Variants in GRIK1 observed in about 807,000 individuals in gnomAD.
The protein encoded by GRIK1 is glutamate ionotropic receptor kainate type subunit 1.
In GRIK1, 69 loss-of-function variants were observed where a neutral mutation model predicts 105.7. That is an observed-to-expected ratio of 0.65 (90% confidence interval 0.54 to 0.80). The LOEUF is 0.80. Ranked by LOEUF, GRIK1 falls within the 30% of genes least tolerant of loss-of-function variation. The probability of loss-of-function intolerance (pLI) is 0.00; values close to 1 mark genes in which losing one functional copy is unlikely to be tolerated. For missense variants in GRIK1, 1,109 were observed against 1,167.3 expected (o/e 0.95, Z 0.73); for synonymous variants, 438 against 431.3 (o/e 1.02, Z -0.19).
At chr21:29,785,581 A>G (rs1242923052) in intron 1 of GRIK1, among the ~76,000 whole-genome samples, 1 of 151,586 alleles carries the variant, frequency 6.6e-6, no homozygotes, top group African/African-American at 2.4e-5. Flanking sequence ...AAAAAAAAAA[A>G]AAAGCCCCCG....
chr21:29,636,792 C>G (rs2062406273), intron 7 of GRIK1, among the ~76,000 whole-genome samples: 1 of 152,146 alleles, frequency 6.6e-6, no homozygotes, highest in African/African-American at 2.4e-5. Flanking sequence ...CCAAGATAAA[C>G]TATCTGAAAC....
At chr21:29,697,275 T>A (rs923932985) in intron 1 of GRIK1, among the ~76,000 whole-genome samples, 1 of 152,234 alleles carries the variant, frequency 6.6e-6, no homozygotes, top group African/African-American at 2.4e-5. Flanking sequence ...AAGTTTTTTT[T>A]ATTATCGTAC....
At chr21:29,781,592 T>C (rs1349910907) in intron 1 of GRIK1, among the ~76,000 whole-genome samples, 2 of 151,704 alleles carry the variant, frequency 1.3e-5, no homozygotes, top group African/African-American at 4.8e-5. Context: ...TTTACAGATA[T>C]CTTTCTGATT....
chr21:29,894,514 G>A (rs889268039), intron 1 of GRIK1, among the ~76,000 whole-genome samples: 1 of 152,152 alleles, frequency 6.6e-6, no homozygotes, highest in Admixed American at 6.5e-5. Context: ...TGCACTGGCA[G>A]CTGATTAGAT....
At chr21:29,851,321 CTGGAATTACAGG>C (rs1215436936) in intron 1 of GRIK1, among the ~76,000 whole-genome samples, 2 of 152,260 alleles carry the variant, frequency 1.3e-5, no homozygotes, top group East Asian at 3.9e-4. Context: ...TCCCAAAGTG[CTGGAATTACAGG>C]CATGAGCCAC....
intron 4 of GRIK1, among the ~76,000 whole-genome samples, chr21:29,661,981 C>G (rs1322158746): frequency 6.6e-6 from 1 of 152,118 alleles, no homozygotes; most frequent in African/African-American, 2.4e-5. Context: ...TAAATCCAGC[C>G]CCTTTTTCTC....
At chr21:29,724,191 G>A (rs2064393931) in intron 1 of GRIK1, among the ~76,000 whole-genome samples, 1 of 152,158 alleles carries the variant, frequency 6.6e-6, no homozygotes, top group Admixed American at 6.5e-5. Context: ...TTCCTTTAGC[G>A]TGACATCAGT....
chr21:29,654,044 C>T (rs1000007076), intron 5 of GRIK1, among the ~76,000 whole-genome samples: 1 of 152,162 alleles, frequency 6.6e-6, no homozygotes, highest in Non-Finnish European at 1.5e-5. Flanking sequence ...CCCCAGAATC[C>T]AGGTCAAATT....
intron 7 of GRIK1, among the ~76,000 whole-genome samples, chr21:29,627,456 A>G (rs2062157644): frequency 6.6e-6 from 1 of 152,186 alleles, no homozygotes; most frequent in Non-Finnish European, 1.5e-5. Flanking sequence ...AGGAAAGGTG[A>G]CAGGATTACA....
chr21:29,741,539 C>G lies in GRIK1; in HGVS notation c.119-47476G>C, dbSNP rs140450311. On this transcript the variant is annotated intron_variant, in intron 1 of 17. Transcript: ENST00000327783. ...ATAAAGAAAACAGACTTTCCTATTT[C>G]TACCTTTGGAATTCTAGAACCATTT... is the stretch of plus-strand genomic sequence containing the variant. Among the ~76,000 whole-genome samples the G allele has an allele frequency of 2.2e-3, 331 of 152,198 alleles. 1 individual carries two copies. The highest frequency in any genetic ancestry group is 7.6e-3 in the African/African-American group (317 of 41,530).
chr21:29,924,144 C>A (rs561595352), intron 1 of GRIK1, among the ~76,000 whole-genome samples: 1 of 152,000 alleles, frequency 6.6e-6, no homozygotes, highest in African/African-American at 2.4e-5. Flanking sequence ...TCAAGACCAG[C>A]CTGGCCAACG....
At chr21:29,782,486 A>G (rs2145785751) in intron 1 of GRIK1, among the ~76,000 whole-genome samples, 1 of 152,294 alleles carries the variant, frequency 6.6e-6, no homozygotes, top group Admixed American at 6.5e-5. Context: ...TTGATTTTTC[A>G]GAAGGGCAAG....
intron 1 of GRIK1, among the ~76,000 whole-genome samples, chr21:29,812,015 C>A (rs571866959): frequency 3.4e-4 from 52 of 152,260 alleles, no homozygotes; most frequent in African/African-American, 1.3e-3. Context: ...GTTCATCAAC[C>A]CCAAGTCATT....
chr21:29,920,814 T>C (rs1351811216), intron 1 of GRIK1, among the ~76,000 whole-genome samples: 2 of 151,812 alleles, frequency 1.3e-5, no homozygotes, highest in African/African-American at 2.4e-5. Flanking sequence ...AGAGGCACCA[T>C]ACACACTGGG....
intron 1 of GRIK1, among the ~76,000 whole-genome samples, chr21:29,721,514 G>C (rs145902961): frequency 6.7e-6 from 1 of 148,826 alleles, no homozygotes; most frequent in Non-Finnish European, 1.5e-5. Flanking sequence ...TCGACAATGG[G>C]CAAAATGAAA....
At chr21:29,855,007 G>C (rs469478) in intron 1 of GRIK1, among the ~76,000 whole-genome samples, 48,902 of 152,140 alleles carry the variant, frequency 0.32, 8,547 homozygotes, top group East Asian at 0.46. Flanking sequence ...TAAATCATTA[G>C]CTGGAGAACT....
intron 4 of GRIK1, among the ~76,000 whole-genome samples, chr21:29,669,934 G>C (rs1012545864): frequency 6.6e-6 from 1 of 152,078 alleles, no homozygotes; most frequent in Non-Finnish European, 1.5e-5. Context: ...AGTTAAGCTG[G>C]ATCACATAGA....
At chr21:29,774,752 G>C (rs1387108492) in intron 1 of GRIK1, among the ~76,000 whole-genome samples, 1 of 152,132 alleles carries the variant, frequency 6.6e-6, no homozygotes, top group Non-Finnish European at 1.5e-5. Flanking sequence ...ATCAAGTGCT[G>C]TTTCTTTATC....
At chr21:29,602,194 G>A (rs1307523987) in intron 7 of GRIK1, among the ~76,000 whole-genome samples, 2 of 152,094 alleles carry the variant, frequency 1.3e-5, no homozygotes, top group African/African-American at 4.8e-5. Context: ...TACAATCATA[G>A]GCAAGATACC....
Sources: gnomAD v4.1 joint callset for allele counts (sites outside exome capture counted in the v4.1 genomes callset) on GRCh38, gnomAD v4.1.1 for gene constraint, MANE v1.5 for transcripts, NCBI Gene and HGNC (gene_info 2026-07-23, HGNC 2026-07-21) for gene names.